The following POLG variants were observed in gnomAD, a reference collection of about 807,000 sequenced individuals.
The protein encoded by POLG is DNA polymerase subunit gamma-1.
In POLG, 110 loss-of-function variants were observed where a neutral mutation model predicts 155.4. The observed-to-expected ratio is 0.71, with a 90% confidence interval of 0.61 to 0.83. The LOEUF (loss-of-function observed/expected upper bound fraction) is 0.83. POLG is among the 40% of genes least tolerant of loss of function. POLG has a pLI of 0.00. For synonymous variants in POLG, 701 were observed against 631.5 expected, an observed-to-expected ratio of 1.11 and a Z score of -1.65; for missense variants, 1,685 against 1,627.5, an observed-to-expected ratio of 1.04 and a Z score of -0.61.
rs1207872929 is a variant in POLG, at chr15:89,319,337, C to G, written c.2995G>C (p.Asp999His). 6.2e-7 allele frequency: 1 copy of G among 1,613,976 alleles called. No homozygotes were observed. Among genetic ancestry groups the G allele is most frequent in the Non-Finnish European group, 8.5e-7 (1 of 1,180,040 alleles). Residue 999 changes from aspartate (D) to histidine (H), a missense_variant, in exon 19 of 23, where the codon GAT becomes CAT. Transcript: ENST00000268124. ...TCCCTCACCAGCCACTCGCCCTCAT[C>G]CGACAGCCGATACCTGGGGGCAGTG... is the stretch of plus-strand genomic sequence containing the variant. ...TKGLRWYRLS[D>H]EGEWLVRELN...
rs2055470110 is a variant in POLG, at chr15:89,325,109, AGAGAGTGAGTGAGTGAGTGAGAGAGT to A, written c.1949+315_1949+340del. On this transcript the variant is annotated intron_variant, in intron 10 of 22. Transcript: ENST00000268124. ...GAGAGTGAGTGAGTGAGAGAGTGAG[AGAGAGTGAGTGAGTGAGTGAGAGAGT>A]GAGTGAGAGAGTGAGTGAGTGAGTG... Among the ~76,000 whole-genome samples, 16 of 40,736 alleles carry A rather than the reference AGAGAGTGAGTGAGTGAGTGAGAGAGT, an allele frequency of 3.9e-4. 1 individual carries two copies. Among genetic ancestry groups the A allele is most frequent in the African/African-American group, 2.3e-3 (15 of 6,596 alleles). The allele number at this position is 40,736 out of a possible 152,430, so 26.7% of individuals were successfully genotyped here.
Position 89,324,118 on chromosome 15 carries a change from T to C in POLG, c.2059A>G (p.Ile687Val), listed in dbSNP as rs796052881. The C allele has an allele frequency of 3.7e-6, 6 of 1,614,062 alleles. No homozygotes were observed. The highest frequency in any genetic ancestry group is 1.3e-5 in the African/African-American group (1 of 75,068). Residue 687 changes from isoleucine to valine, a missense_variant, in exon 11 of 23, where the codon ATA (isoleucine) becomes GTA (valine). Ile to Val is a conservative substitution (Grantham distance 29). Around this residue, in one of 3 missense-constraint regions of POLG, gnomAD observed 1,210 missense variants for 1,167.1 expected, o/e 1.04. Transcript: ENST00000268124. ...GAGCCTGCCCTCACCGTTTGCCATA[T>C]GGCACTATTGTCAGTGAGCAGGAAC... ...EEFLLTDNSAIWQTVEELDYL... is the reference protein window; with the variant it reads ...EEFLLTDNSAVWQTVEELDYL...
At chr15:89,320,055 A>C (rs1455329815) in intron 18 of POLG, among the ~76,000 whole-genome samples, 2 of 152,106 alleles carry the variant, frequency 1.3e-5, no homozygotes, top group Non-Finnish European at 2.9e-5. Context: ...ACCCGACCTC[A>C]CTTTATCCAC....
intron 2 of POLG, among the ~76,000 whole-genome samples, chr15:89,330,517 C>T (rs1378793512): frequency 6.6e-6 from 1 of 152,186 alleles, no homozygotes; most frequent in Non-Finnish European, 1.5e-5. Flanking sequence ...AATGGAACTA[C>T]TGGGCTATTA....
Position 89,324,241 on chromosome 15 carries a change from A to T in POLG, c.1950-14T>A. The T allele has an allele frequency of 6.2e-7, 1 of 1,610,650 alleles. No individual in the cohort carries two copies. ...GACTCGATGGCTCTGGGCAGAGAAC[A>T]GTAGCAGCAGCAGCCGCTGATTACC... On this transcript the variant is annotated splice_polypyrimidine_tract_variant and intron_variant, in intron 10 of 22. Transcript: ENST00000268124.
In POLG at chr15:89,323,725, G is replaced by A. The variant is rs1382388279; in HGVS notation, c.2157+90C>T. 24 of 1,118,140 alleles carry A rather than the reference G, an allele frequency of 2.1e-5. 1 individual carries two copies. The East Asian group carries it at 5.4e-4, about 25-fold the overall frequency. The allele number at this position is 1,118,140 out of a possible 1,614,324, so 69.3% of individuals were successfully genotyped here. On this transcript the variant is annotated intron_variant, in intron 12 of 22. Coordinates refer to ENST00000268124, the MANE Select transcript of POLG (RefSeq NM_002693.3). ...CATCTCCAACCCCCTTAAGACCTAG[G>A]GAACTCTGGCTGGGAAGAACTAGGT... is the stretch of plus-strand genomic sequence containing the variant.
intron 6 of POLG, 141 bp from the exon 7 acceptor site, chr15:89,327,490 ACT>A (rs1443497911): frequency 1.3e-6 from 1 of 746,130 alleles, no homozygotes; most frequent in African/African-American, 1.7e-5. Context: ...TCCCAGCTCT[ACT>A]GTTACTCATC....
At position 89,321,826 on chromosome 15, in the gene POLG, G is replaced by A. The variant is rs183811122; in HGVS notation, c.2508C>T (p.Leu836=). 1.2e-5 allele frequency: 19 copies of A among 1,614,080 alleles called. No homozygotes were observed. In the African/African-American group the frequency reaches 2.3e-4, roughly 19 times the overall value. ...CCACTTGGGGCAGGATGGCCCCATA[G>A]AGGCCTTCCTCATCATAGTCGGGGT... is the stretch of plus-strand genomic sequence containing the variant. ...IRHPDYDEEG[L]YGAILPQVVT... Residue 836 remains leucine (L), a synonymous_variant, in exon 16 of 23, where the codon CTC becomes CTT. Coordinates refer to ENST00000268124, the MANE Select transcript of POLG (RefSeq NM_002693.3).
chr15:89,333,295 C>T lies in POLG; in HGVS notation c.460G>A (p.Ala154Thr), dbSNP rs753858440. Residue 154 changes from alanine (A) to threonine (T), a missense_variant, in exon 2 of 23, where the codon GCC (alanine) becomes ACC (threonine). Ala to Thr is a moderately conservative substitution (Grantham distance 58, BLOSUM62 0). Around this residue, in one of 3 missense-constraint regions of POLG, gnomAD observed 1,210 missense variants for 1,167.1 expected, o/e 1.04. Coordinates refer to ENST00000268124, the MANE Select transcript of POLG (RefSeq NM_002693.3). ...AGCTGGGCCTGCAACAGCAAGTTGGCCGCCTCCAGGTAGGGCAGGCTCTGC... is the reference window on the plus strand; with the variant it reads ...AGCTGGGCCTGCAACAGCAAGTTGGTCGCCTCCAGGTAGGGCAGGCTCTGC... ...QKQSLPYLEA[A>T]NLLLQAQLPP... 8.8e-5 allele frequency: 136 copies of T among 1,552,864 alleles called. No individual in the cohort carries two copies. Among genetic ancestry groups the T allele is most frequent in the Middle Eastern group, 3.3e-4 (2 of 5,978 alleles).
At chr15:89,331,151 AG>A (rs11300269) in intron 2 of POLG, among the ~76,000 whole-genome samples, 71,345 of 152,006 alleles carry the variant, frequency 0.47, 17,724 homozygotes, top group African/African-American at 0.64. Flanking sequence ...GAAGGGAAAA[AG>A]GGAGTATCTG....
intron 15 of POLG, 52 bp downstream of exon 15, chr15:89,321,910 C>G: frequency 6.2e-7 from 1 of 1,605,764 alleles, no homozygotes; most frequent in South Asian, 1.1e-5. Context: ...GCCTTAGGAC[C>G]TACCACCTCA....
At chr15:89,323,584 T>A in intron 12 of POLG, 73 bp from the exon 13 acceptor site, 1 of 1,021,230 alleles carries the variant, frequency 9.8e-7, no homozygotes. Context: ...GGGTAGGGGG[T>A]GGGAAAAGGG....
Position 89,327,044 on chromosome 15 carries a change from G to A in POLG, c.1453C>T (p.Leu485Phe). The A allele has an allele frequency of 6.2e-7, 1 of 1,614,216 alleles. No homozygotes were observed. Among genetic ancestry groups the A allele is most frequent in the Non-Finnish European group, 8.5e-7 (1 of 1,180,036 alleles). Reference sequence around the variant, plus strand: ...TGCAGGTCCCACTCCAGGTCCCAGAGCCAGGGGTCTTCTTTGTACCTACAG... The same window carrying A: ...TGCAGGTCCCACTCCAGGTCCCAGAACCAGGGGTCTTCTTTGTACCTACAG... Reference protein sequence around the residue: ...SGERYKEDPWLWDLEWDLQEF... With the variant: ...SGERYKEDPWFWDLEWDLQEF... Residue 485 changes from leucine (L) to phenylalanine (F), a missense_variant, in exon 8 of 23, where the codon CTC (leucine) becomes TTC (phenylalanine). Leu to Phe is a conservative substitution (Grantham distance 22). Coordinates refer to ENST00000268124, the MANE Select transcript of POLG (RefSeq NM_002693.3).
Position 89,328,514 on chromosome 15 carries a change from G to A in POLG, c.1192C>T (p.Gln398Ter). 6.2e-7 allele frequency: 1 copy of A among 1,613,802 alleles called. No homozygotes were observed. The highest frequency in any genetic ancestry group is 8.5e-7 in the Non-Finnish European group (1 of 1,179,966). Reference sequence around the variant, plus strand: ...ACCTCATGGGTGGCCCACACGTCCTGGGCACAGTACTGCATCAGGTCCTGG... The same window carrying A: ...ACCTCATGGGTGGCCCACACGTCCTAGGCACAGTACTGCATCAGGTCCTGG... ...NFQDLMQYCA[Q>*]DVWATHEVFQ... Residue 398 changes from glutamine to a stop codon, truncating the protein, a stop_gained, in exon 6 of 23, where the codon CAG becomes TAG. Transcript: ENST00000268124. LOFTEE classifies it high-confidence loss of function.
intron 18 of POLG, 75 bp downstream of exon 18, chr15:89,320,691 A>G: frequency 2.0e-6 from 3 of 1,533,472 alleles, no homozygotes; most frequent in Non-Finnish European, 2.7e-6. Context: ...GAGATAGAAC[A>G]GATGGTAGTA....
At chr15:89,325,057 A>AGAGAGT (rs2055457738) in intron 10 of POLG, among the ~76,000 whole-genome samples, 2 of 87,640 alleles carry the variant, frequency 2.3e-5, no homozygotes, top group African/African-American at 7.9e-5. Flanking sequence ...AGTGAGTGAG[A>AGAGAGT]GAGTGAGTGA....
intron 6 of POLG, 144 bp from the exon 7 acceptor site, chr15:89,327,493 G>A (rs1450685021): frequency 2.7e-6 from 2 of 740,346 alleles, no homozygotes; most frequent in African/African-American, 3.5e-5. Flanking sequence ...CAGCTCTACT[G>A]TTACTCATCC....
chr15:89,330,752 ATGC>A (rs10558438), intron 2 of POLG, among the ~76,000 whole-genome samples: 70,527 of 150,990 alleles, frequency 0.47, 17,429 homozygotes, highest in African/African-American at 0.64. Flanking sequence ...AAAATGACAA[ATGC>A]TGCTGCACAC....
Position 89,333,556 on chromosome 15 carries a change from C to T in POLG, c.199G>A (p.Gly67Arg), listed in dbSNP as rs1415744247. Residue 67 changes from glycine to arginine, a missense_variant, in exon 2 of 23, where the codon GGG (glycine) becomes AGG (arginine). Coordinates refer to ENST00000268124, the MANE Select transcript of POLG (RefSeq NM_002693.3). ...TCCAATGGGTTGTGCCGCAGCTGCC[C>T]GCCCTCCGAGGATAGCACTTGCGGC... ...QQPQVLSSEG[G>R]QLRHNPLDIQ... The T allele has an allele frequency of 1.9e-5, 31 of 1,611,090 alleles. No individual in the cohort carries two copies. The highest frequency in any genetic ancestry group is 2.6e-5 in the Non-Finnish European group (31 of 1,178,914).
Sources: gnomAD v4.1 joint callset for allele counts (sites outside exome capture counted in the v4.1 genomes callset) on GRCh38, gnomAD v4.1.1 for gene constraint, gnomAD v4.1.1 regional missense constraint, MANE v1.5 for transcripts, NCBI Gene and HGNC (gene_info 2026-07-23, HGNC 2026-07-21) for gene names.